COL25A1: variants seen among roughly 807,000 people sequenced by gnomAD.
COL25A1 encodes collagen type XXV alpha 1 chain.
COL25A1 carries 103 observed loss-of-function variants against 128.4 expected under a neutral mutation model. The ratio of observed to expected loss-of-function variants is 0.80; its 90% CI spans 0.68 to 0.94. The LOEUF (loss-of-function observed/expected upper bound fraction) is 0.94, where lower values mean the gene tolerates loss of function less well. Ranked by LOEUF, COL25A1 falls within the 40% of genes least tolerant of loss-of-function variation. COL25A1 has a pLI of 0.00. For synonymous variants in COL25A1, 279 were observed against 277.2 expected, an observed-to-expected ratio of 1.01 and a Z score of -0.06; for missense variants, 745 against 840.0, an observed-to-expected ratio of 0.89 and a Z score of 1.40.
At chr4:108,874,598 C>G (rs1739205100) in intron 19 of COL25A1, among the ~76,000 whole-genome samples, 1 of 152,092 alleles carries the variant, frequency 6.6e-6, no homozygotes, top group African/African-American at 2.4e-5. Flanking sequence ...ATGTCCTGCT[C>G]CCATTATCAG....
chr4:109,008,165 C>T (rs1260169000), intron 6 of COL25A1, among the ~76,000 whole-genome samples: 1 of 152,220 alleles, frequency 6.6e-6, no homozygotes, highest in Non-Finnish European at 1.5e-5. Flanking sequence ...CCATATGTCC[C>T]TCTGGCTTCC....
chr4:109,154,562 C>G (rs1256274222), intron 3 of COL25A1, among the ~76,000 whole-genome samples: 3 of 152,176 alleles, frequency 2.0e-5, no homozygotes, highest in Non-Finnish European at 4.4e-5. Flanking sequence ...GGGGCACATA[C>G]AGACTTGAAG....
At chr4:109,219,465 G>C (rs75958985) in intron 3 of COL25A1, among the ~76,000 whole-genome samples, 13,134 of 151,866 alleles carry the variant, frequency 0.086, 1,185 homozygotes, top group African/African-American at 0.23. Flanking sequence ...CTCTTAGTCT[G>C]TACCCTATGT....
In COL25A1 at chr4:108,825,982, G is replaced by A. The variant is rs1732331339; in HGVS notation, c.1765-760C>T. ...ATGGATCCATCCAAAGTTCACGAGA[G>A]GTTACTTTGATTTCATCAATTAGAT... On this transcript the variant is annotated intron_variant, in intron 33 of 37. Coordinates refer to ENST00000399132, the MANE Select transcript of COL25A1 (RefSeq NM_198721.4). Among the ~76,000 whole-genome samples the A allele has an allele frequency of 2.0e-5, 3 of 151,986 alleles. No individual in the cohort carries two copies. In the South Asian group the frequency reaches 6.2e-4, roughly 32 times the overall value.
intron 3 of COL25A1, among the ~76,000 whole-genome samples, chr4:109,271,519 T>C (rs1190394774): frequency 6.6e-6 from 1 of 152,242 alleles, no homozygotes; most frequent in African/African-American, 2.4e-5. Context: ...ACATCCACCC[T>C]GTCTTCACAG....
intron 3 of COL25A1, among the ~76,000 whole-genome samples, chr4:109,182,298 A>C (rs1774730157): frequency 6.6e-6 from 1 of 152,074 alleles, no homozygotes; most frequent in Admixed American, 6.6e-5. Flanking sequence ...GCTGTTTTCC[A>C]TAATGCCAAA....
At chr4:108,837,631 A>C (rs1733964936) in intron 31 of COL25A1, among the ~76,000 whole-genome samples, 1 of 152,248 alleles carries the variant, frequency 6.6e-6, no homozygotes, top group Admixed American at 6.5e-5. Flanking sequence ...GATTAATGTA[A>C]GGAGCCACAG....
At chr4:108,846,959 G>A (rs1305653946) in intron 27 of COL25A1, among the ~76,000 whole-genome samples, 1 of 140,486 alleles carries the variant, frequency 7.1e-6, no homozygotes, top group East Asian at 2.1e-4. Flanking sequence ...AGGCTGGACC[G>A]CAATGGTGCG....
chr4:109,178,847 A>C (rs1034990771), intron 3 of COL25A1, among the ~76,000 whole-genome samples: 271 of 150,764 alleles, frequency 1.8e-3, no homozygotes, highest in Middle Eastern at 3.4e-3. Flanking sequence ...AAAAAAAAAA[A>C]AAAAAAAAAA....
intron 13 of COL25A1, among the ~76,000 whole-genome samples, chr4:108,910,835 A>C (rs1424897102): frequency 6.6e-6 from 1 of 152,210 alleles, no homozygotes; most frequent in Non-Finnish European, 1.5e-5. Flanking sequence ...TAAACACTGG[A>C]TACATTTTAG....
At chr4:109,271,717 C>T (rs554807245) in intron 3 of COL25A1, among the ~76,000 whole-genome samples, 1 of 152,190 alleles carries the variant, frequency 6.6e-6, no homozygotes, top group Non-Finnish European at 1.5e-5. Flanking sequence ...CTGAACACCA[C>T]AGTGATTTTT....
chr4:109,025,437 T>C (rs1758167448), intron 5 of COL25A1, among the ~76,000 whole-genome samples: 1 of 152,226 alleles, frequency 6.6e-6, no homozygotes, highest in Non-Finnish European at 1.5e-5. Context: ...TTTATAAACA[T>C]CTTTCAGTCT....
intron 5 of COL25A1, among the ~76,000 whole-genome samples, chr4:109,011,290 T>C (rs1163378828): frequency 6.6e-6 from 1 of 152,222 alleles, no homozygotes; most frequent in Non-Finnish European, 1.5e-5. Flanking sequence ...GTGGAGCTAA[T>C]ACAACTCCCA....
chr4:108,846,173 C>T lies in COL25A1; in HGVS notation c.1481G>A (p.Gly494Asp). ...AGGAAGTCCAATTCCTCCTTTTTCA[C>T]CTGTCATACCTGGGTCCCCCATGTC... ...KGDMGDPGMT[G>D]EKGGIGLPGL... The change falls in exon 28 of 38, where the codon GGT becomes GAT. Residue 494 changes from glycine (G) to aspartate (D), a missense_variant. Physicochemically the swap from Gly to Asp is moderately conservative, Grantham distance 94. Transcript: ENST00000399132. 6.2e-7 allele frequency: 1 copy of T among 1,612,928 alleles called. No homozygotes were observed. Among genetic ancestry groups the T allele is most frequent in the Non-Finnish European group, 8.5e-7 (1 of 1,179,002 alleles).
At chr4:108,994,408 C>A (rs549147361) in intron 6 of COL25A1, among the ~76,000 whole-genome samples, 24 of 152,294 alleles carry the variant, frequency 1.6e-4, no homozygotes, top group African/African-American at 4.6e-4. Flanking sequence ...GGGGGAGGGG[C>A]GTCCACCATT....
At chr4:109,096,173 C>T (rs1416394847) in intron 3 of COL25A1, among the ~76,000 whole-genome samples, 1 of 152,154 alleles carries the variant, frequency 6.6e-6, no homozygotes, top group Non-Finnish European at 1.5e-5. Context: ...TGTAAACAAA[C>T]TTTGCCCTAT....
intron 3 of COL25A1, among the ~76,000 whole-genome samples, chr4:109,126,152 C>A (rs3113731): frequency 1.3e-5 from 2 of 151,772 alleles, no homozygotes; most frequent in African/African-American, 2.4e-5. Flanking sequence ...TTTAAATCCC[C>A]AATGTTTTTC....
intron 5 of COL25A1, among the ~76,000 whole-genome samples, chr4:109,024,981 C>G (rs1456030886): frequency 6.6e-6 from 1 of 152,196 alleles, no homozygotes; most frequent in Non-Finnish European, 1.5e-5. Flanking sequence ...TCCACATCAA[C>G]TGGGGATCCC....
chr4:108,854,767 G>A (rs930523805), intron 24 of COL25A1, among the ~76,000 whole-genome samples: 1 of 152,106 alleles, frequency 6.6e-6, no homozygotes, highest in Non-Finnish European at 1.5e-5. Flanking sequence ...GTTTGTGGGA[G>A]TGTAAACTAG....
Sources: gnomAD v4.1 joint callset for allele counts (sites outside exome capture counted in the v4.1 genomes callset) on GRCh38, gnomAD v4.1.1 for gene constraint, MANE v1.5 for transcripts, NCBI Gene and HGNC (gene_info 2026-07-23, HGNC 2026-07-21) for gene names.